KLHL22: variants seen among roughly 807,000 people sequenced by gnomAD.
KLHL22 encodes kelch like family member 22.
KLHL22 carries 18 observed loss-of-function variants against 60.7 expected under a neutral mutation model. The observed-to-expected ratio is 0.30, with a 90% confidence interval of 0.20 to 0.44. The LOEUF (loss-of-function observed/expected upper bound fraction) is 0.44. Ranked by LOEUF, KLHL22 falls within the 20% of genes least tolerant of loss-of-function variation. KLHL22 has a pLI of 1.00. For synonymous variants in KLHL22, 355 were observed against 354.5 expected (o/e 1.00, Z -0.01); for missense variants, 596 against 852.3 (o/e 0.70, Z 3.74).
chr22:20,450,563 A>C (rs1601327773), intron 5 of KLHL22: 1 of 1,611,162 alleles, frequency 6.2e-7, no homozygotes, highest in Non-Finnish European at 8.5e-7. Context: ...AATTGTGTTG[A>C]CCTGACACAA....
At chr22:20,484,528 C>G (rs1220387432) in intron 2 of KLHL22, among the ~76,000 whole-genome samples, 1 of 152,112 alleles carries the variant, frequency 6.6e-6, no homozygotes, top group Non-Finnish European at 1.5e-5. Flanking sequence ...CTCCTGGCCT[C>G]AAGTGATCTG....
At chr22:20,485,740 C>T (rs530624786) in intron 2 of KLHL22, among the ~76,000 whole-genome samples, 42 of 152,098 alleles carry the variant, frequency 2.8e-4, no homozygotes, top group South Asian at 2.1e-4. Context: ...TGGTGGCACA[C>T]GTCTGTAATC....
intron 2 of KLHL22, among the ~76,000 whole-genome samples, chr22:20,473,750 C>T (rs2053364743): frequency 1.3e-5 from 2 of 152,134 alleles, no homozygotes; most frequent in South Asian, 4.1e-4. Context: ...TGGCACATGC[C>T]TGTAATCCCA....
At position 20,441,880 on chromosome 22, in the gene KLHL22, G is replaced by T; in HGVS notation, c.*193C>A. 1 of 465,902 alleles carries T rather than the reference G, an allele frequency of 2.1e-6. No homozygotes were observed. Among genetic ancestry groups the T allele is most frequent in the East Asian group, 3.4e-5 (1 of 29,096 alleles). The allele number at this position is 465,902 out of a possible 1,614,324, so 28.9% of individuals were successfully genotyped here. On this transcript the variant is annotated 3_prime_UTR_variant, in exon 7 of 7. Coordinates refer to ENST00000328879, the MANE Select transcript of KLHL22 (RefSeq NM_032775.4). ...TGCAGTGACGTAATCCACAGCCTGG[G>T]ATCTGCATGGCCCTGAGATGCCTGC...
In KLHL22 at chr22:20,495,453, C is replaced by T. The variant is rs1279474209; in HGVS notation, c.-34+307G>A. Among the ~76,000 whole-genome samples the T allele has an allele frequency of 2.6e-5, 4 of 152,066 alleles. No homozygotes were observed. The highest frequency in any genetic ancestry group is 4.8e-5 in the African/African-American group (2 of 41,434). ...CGGACCTGCCGCAGGCAACAGGGCC[C>T]GCCCGGGTGCCAGGAGGCCGGCGCG... On this transcript the variant is annotated intron_variant, in intron 1 of 6. Coordinates refer to ENST00000328879, the MANE Select transcript of KLHL22 (RefSeq NM_032775.4). This position sits in a 1 kb window ranked among gnomAD's most constrained non-coding sequence, Gnocchi z 4.6.
At chr22:20,473,830 G>A (rs184513854) in intron 2 of KLHL22, among the ~76,000 whole-genome samples, 112 of 152,248 alleles carry the variant, frequency 7.4e-4, no homozygotes, top group Non-Finnish European at 1.0e-3. Context: ...GGCCAAGATC[G>A]TGCCATTGCA....
intron 5 of KLHL22, among the ~76,000 whole-genome samples, chr22:20,457,472 G>C (rs780371511): frequency 8.5e-5 from 13 of 152,140 alleles, no homozygotes; most frequent in Non-Finnish European, 1.9e-4. Flanking sequence ...GCTGCACAAA[G>C]AGCAAATGTT....
At chr22:20,466,571 G>A (rs968790616) in intron 3 of KLHL22, among the ~76,000 whole-genome samples, 6 of 152,108 alleles carry the variant, frequency 3.9e-5, no homozygotes, top group African/African-American at 1.4e-4. Flanking sequence ...TCCCCCGCCA[G>A]AACATCCACC....
At chr22:20,450,237 G>C in intron 5 of KLHL22, 1 of 850,962 alleles carries the variant, frequency 1.2e-6, no homozygotes, top group Non-Finnish European at 2.1e-6. Context: ...ACATTGAGTA[G>C]AGCAGAAAGA....
chr22:20,491,044 T>C (rs1454198960), intron 1 of KLHL22: 1 of 152,170 alleles, frequency 6.6e-6, no homozygotes, highest in Non-Finnish European at 1.5e-5. Context: ...ATCCCCTTCT[T>C]GGGTTCAACT....
chr22:20,487,424 G>C (rs1313148072), intron 2 of KLHL22, among the ~76,000 whole-genome samples: 1 of 147,576 alleles, frequency 6.8e-6, no homozygotes, highest in Non-Finnish European at 1.5e-5. Flanking sequence ...GTTTCACCAT[G>C]TTGGCCAGGC....
intron 6 of KLHL22, among the ~76,000 whole-genome samples, chr22:20,444,095 G>A: frequency 6.7e-6 from 1 of 148,542 alleles, no homozygotes; most frequent in East Asian, 2.0e-4. Flanking sequence ...AGCCAGACAA[G>A]AGAGCTGAGA....
intron 4 of KLHL22, 94 bp from the exon 5 acceptor site, chr22:20,458,094 C>T: frequency 7.1e-7 from 1 of 1,413,720 alleles, no homozygotes; most frequent in Admixed American, 2.0e-5. Context: ...TTCTGCTTTG[C>T]CTCAGCCCAG....
chr22:20,467,860 G>A (rs937188825), intron 3 of KLHL22, among the ~76,000 whole-genome samples: 15 of 152,100 alleles, frequency 9.9e-5, no homozygotes, highest in South Asian at 2.1e-4. Flanking sequence ...GGGTTTCATC[G>A]TGTTAGCCAG....
At position 20,465,831 on chromosome 22, in the gene KLHL22, T is replaced by C. The variant is rs542734167; in HGVS notation, c.394-255A>G. On this transcript the variant is annotated intron_variant, in intron 3 of 6. Coordinates refer to ENST00000328879, the MANE Select transcript of KLHL22 (RefSeq NM_032775.4). The surrounding 1 kb of genome is among the most constrained non-coding windows in gnomAD (Gnocchi z 4.9). ...TTTTTTGGTTTTGTTTTGCTTTTCT[T>C]TGAGACAAAGTTTCGCTCTTGTTGC... Among the ~76,000 whole-genome samples the C allele has an allele frequency of 6.6e-6, 1 of 152,242 alleles. No individual in the cohort carries two copies. Among genetic ancestry groups the C allele is most frequent in the South Asian group, 2.1e-4 (1 of 4,830 alleles).
chr22:20,451,840 C>G (rs938369583), intron 5 of KLHL22: 18 of 1,597,328 alleles, frequency 1.1e-5, no homozygotes, highest in Non-Finnish European at 1.5e-5. Flanking sequence ...GTTGGAGCAC[C>G]ATCCAGAGCT....
chr22:20,472,585 G>A (rs2053345329), intron 2 of KLHL22, among the ~76,000 whole-genome samples: 1 of 152,182 alleles, frequency 6.6e-6, no homozygotes, highest in African/African-American at 2.4e-5. Context: ...AATTAGCTGG[G>A]TGTGGTGGCG....
chr22:20,481,138 A>T (rs1404461096), intron 2 of KLHL22: 1 of 152,014 alleles, frequency 6.6e-6, no homozygotes, highest in Non-Finnish European at 1.5e-5. Flanking sequence ...GCCTACGCCA[A>T]ACATTTCTTT....
intron 4 of KLHL22, among the ~76,000 whole-genome samples, chr22:20,461,550 CAAAAAAAAAA>C (rs362095): frequency 4.6e-5 from 3 of 64,770 alleles, no homozygotes; most frequent in African/African-American, 2.0e-4. Flanking sequence ...GACTCCAACT[CAAAAAAAAAA>C]AAAAAAAAAA....
Sources: gnomAD v4.1 joint callset for allele counts (sites outside exome capture counted in the v4.1 genomes callset) on GRCh38, gnomAD v4.1.1 for gene constraint, Gnocchi (gnomAD v3.1) non-coding constraint, MANE v1.5 for transcripts, NCBI Gene and HGNC (gene_info 2026-07-23, HGNC 2026-07-21) for gene names.